The following PIK3C2B variants were observed in gnomAD, a reference collection of about 807,000 sequenced individuals.
PIK3C2B encodes phosphatidylinositol-4-phosphate 3-kinase catalytic subunit type 2 beta.
PIK3C2B carries 83 observed loss-of-function variants against 184.3 expected under a neutral mutation model. That is an observed-to-expected ratio of 0.45 (90% CI 0.38 to 0.54). The LOEUF is 0.54. Among genes scored for constraint, PIK3C2B ranks in the 20% least tolerant of loss-of-function variants. The probability of loss-of-function intolerance (pLI) is 0.00; values close to 1 mark genes in which losing one functional copy is unlikely to be tolerated. For synonymous variants in PIK3C2B, 779 were observed against 837.6 expected (o/e 0.93, Z 1.21); for missense variants, 1,736 against 2,113.5 (o/e 0.82, Z 3.50).
At chr1:204,431,266 C>A in intron 28 of PIK3C2B, 1 of 241,646 alleles carries the variant, frequency 4.1e-6, no homozygotes, top group Non-Finnish European at 8.2e-6. Flanking sequence ...TGGCTTATTT[C>A]ACTTAGCAGA....
rs766210577 is a variant in PIK3C2B, at chr1:204,434,540, G to A, written c.3585C>T (p.Asp1195=). 3 of 1,614,064 alleles carry A rather than the reference G, an allele frequency of 1.9e-6. No homozygotes were observed. The highest frequency in any genetic ancestry group is 1.3e-5 in the African/African-American group (1 of 74,950). The change falls in exon 24 of 33, where the codon GAC becomes GAT. Residue 1195 remains aspartate, a synonymous_variant. Coordinates refer to ENST00000684373, the MANE Select transcript of PIK3C2B (RefSeq NM_001377334.1). ...TCAGCATGATGTTGTCATTATGTCG[G>A]TCACAGATGCCCAAGACGTACGTGG... ...CVATYVLGIC[D]RHNDNIMLKT...
intron 1 of PIK3C2B, among the ~76,000 whole-genome samples, chr1:204,491,069 A>G (rs185468132): frequency 6.6e-6 from 1 of 152,304 alleles, no homozygotes; most frequent in East Asian, 1.9e-4. Context: ...GTGACGTCTC[A>G]TGGGCATTCA....
At chr1:204,488,208 G>T (rs7556371) in intron 1 of PIK3C2B, among the ~76,000 whole-genome samples, 1 of 152,034 alleles carries the variant, frequency 6.6e-6, no homozygotes, top group South Asian at 2.1e-4. Flanking sequence ...ACCATCTGCC[G>T]AACTTGCACT....
chr1:204,458,783 C>A (rs950139932), intron 8 of PIK3C2B, among the ~76,000 whole-genome samples: 1 of 152,050 alleles, frequency 6.6e-6, no homozygotes, highest in Non-Finnish European at 1.5e-5. Context: ...CGTGAGCCAC[C>A]GCACCTGGCC....
Position 204,465,203 on chromosome 1 carries a change from ATTCTTT to A in PIK3C2B, c.1034+10_1034+15del. On this transcript the variant is annotated intron_variant, in intron 3 of 32. Coordinates refer to ENST00000684373, the MANE Select transcript of PIK3C2B (RefSeq NM_001377334.1). ...CCATAGCCCTCCCAAATCCCACCCCATTCTTTAACTCTTACATATCCAGCATGTGGC... is the reference window on the plus strand; with the variant it reads ...CCATAGCCCTCCCAAATCCCACCCCAAACTCTTACATATCCAGCATGTGGC... 2.8e-6 allele frequency: 2 copies of A among 718,532 alleles called. No individual in the cohort carries two copies. The highest frequency in any genetic ancestry group is 2.2e-6 in the Non-Finnish European group (1 of 460,092). 44.5% of individuals were successfully genotyped at this position (718,532 alleles called of 1,614,324 possible). A position where few individuals can be genotyped will look rare whatever the true frequency, so the allele number is the denominator to read the frequency against.
At chr1:204,468,814 C>T (rs933144812) in intron 2 of PIK3C2B, 56 bp downstream of exon 2, 2 of 1,430,546 alleles carry the variant, frequency 1.4e-6, no homozygotes, top group African/African-American at 1.4e-5. Flanking sequence ...AGACTAGTCC[C>T]TGTTTCTGAA....
intron 1 of PIK3C2B, among the ~76,000 whole-genome samples, chr1:204,482,115 G>T (rs1025188266): frequency 8.2e-5 from 1 of 12,260 alleles, no homozygotes; most frequent in African/African-American, 9.3e-5. Flanking sequence ...AAGACGGGGG[G>T]GGGGGGGGGG....
chr1:204,462,989 G>A (rs567268904), intron 5 of PIK3C2B, among the ~76,000 whole-genome samples: 2 of 152,260 alleles, frequency 1.3e-5, no homozygotes, highest in Admixed American at 6.5e-5. Flanking sequence ...CCTGGGAGAC[G>A]GAGGTTGCAG....
intron 8 of PIK3C2B, among the ~76,000 whole-genome samples, chr1:204,458,168 T>C (rs1183830619): frequency 6.6e-6 from 1 of 152,152 alleles, no homozygotes. Context: ...TATACACATA[T>C]ATACAGGGTC....
rs1156255901 is a variant in PIK3C2B at position 204,494,792 on chromosome 1, G to T, written c.-521C>A. 6.6e-6 allele frequency: 1 copy of T among 152,010 alleles called. No individual in the cohort carries two copies. The highest frequency in any genetic ancestry group is 1.9e-4 in the East Asian group (1 of 5,160). The allele number at this position is 152,010 out of a possible 1,614,324, so 9.4% of individuals were successfully genotyped here. A position where few individuals can be genotyped will look rare whatever the true frequency, so the allele number is the denominator to read the frequency against. On this transcript the variant is annotated 5_prime_UTR_variant, in exon 1 of 33. Coordinates refer to ENST00000684373, the MANE Select transcript of PIK3C2B (RefSeq NM_001377334.1). ...AGGCACCCGGCCGCCGGCTCCAGCC[G>T]CAGCGCCGAATCCGCCGCGAGCCGG...
intron 1 of PIK3C2B, among the ~76,000 whole-genome samples, chr1:204,480,788 T>A (rs933731220): frequency 6.6e-6 from 1 of 151,932 alleles, no homozygotes. Context: ...GGGAACCGGC[T>A]AAGGCGCCGA....
At chr1:204,444,834 A>G (rs1653710130) in intron 16 of PIK3C2B, among the ~76,000 whole-genome samples, 1 of 152,250 alleles carries the variant, frequency 6.6e-6, no homozygotes, top group Non-Finnish European at 1.5e-5. Context: ...TACCACGCAA[A>G]TAACAGAAAA....
At chr1:204,466,869 A>G (rs1425506412) in intron 2 of PIK3C2B, 1 of 532,982 alleles carries the variant, frequency 1.9e-6, no homozygotes, top group Non-Finnish European at 3.8e-6. Context: ...TGGCATTTGG[A>G]GCCAGCCAGT....
At chr1:204,451,404 A>G (rs1654346588) in intron 12 of PIK3C2B, among the ~76,000 whole-genome samples, 1 of 152,128 alleles carries the variant, frequency 6.6e-6, no homozygotes, top group Non-Finnish European at 1.5e-5. Flanking sequence ...GTCCTTGGGT[A>G]TATCTGGTAT....
Position 204,433,779 on chromosome 1 carries a change from A to G in PIK3C2B, c.3843+14T>C, listed in dbSNP as rs1340504666. ...ATAAGAAGAAGGTATTCGGAAAGGG[A>G]TGGAGCTCCTCACCAGGCCCAGAAG... On this transcript the variant is annotated intron_variant, in intron 25 of 32. Coordinates refer to ENST00000684373, the MANE Select transcript of PIK3C2B (RefSeq NM_001377334.1). This position sits in a 1 kb window ranked among gnomAD's most constrained non-coding sequence, Gnocchi z 5.0. 4.3e-6 allele frequency: 7 copies of G among 1,611,872 alleles called. No individual in the cohort carries two copies. Among genetic ancestry groups the G allele is most frequent in the Non-Finnish European group, 5.9e-6 (7 of 1,178,010 alleles).
chr1:204,447,531 A>C lies in PIK3C2B; in HGVS notation c.2394T>G (p.Pro798=). ...CATAGCGGGGGCTGAACTTGTCTCC[A>C]GGGGGGCTGGTGAACTTGATGTCAA... ...SAFDIKFTSP[P]GDKFSPRYEF... Residue 798 remains proline (P), a synonymous_variant, in exon 15 of 33, where the codon CCT becomes CCG. Coordinates refer to ENST00000684373, the MANE Select transcript of PIK3C2B (RefSeq NM_001377334.1). This position sits in a 1 kb window ranked among gnomAD's most constrained non-coding sequence, Gnocchi z 4.1. 6.2e-7 allele frequency: 1 copy of C among 1,605,142 alleles called. No homozygotes were observed. Among genetic ancestry groups the C allele is most frequent in the Non-Finnish European group, 8.5e-7 (1 of 1,175,798 alleles).
rs770356473 is a variant in PIK3C2B, at chr1:204,455,962, G to T, written c.1837C>A (p.Pro613Thr). 1.9e-6 allele frequency: 3 copies of T among 1,614,088 alleles called. No individual in the cohort carries two copies. The African/African-American group carries it at 4.0e-5, about 22-fold the overall frequency. The stretch of plus-strand genomic sequence containing the variant: ...ACCAGGTCATGCTTGCGGCTCCCGG[G>T]CACTGCCGTCTGGAAGTCTGCGTTG... ...TFNADFQTAVPGSRKHDLVQE... is the reference protein window; with the variant it reads ...TFNADFQTAVTGSRKHDLVQE... Residue 613 changes from proline to threonine, a missense_variant, in exon 11 of 33, where the codon CCC becomes ACC. By Grantham distance (38) the Pro-to-Thr change is conservative. Around this residue, in one of 8 missense-constraint regions of PIK3C2B, gnomAD observed 609 missense variants for 699.2 expected, o/e 0.87. Transcript: ENST00000684373.
intron 20 of PIK3C2B, 142 bp from the exon 21 acceptor site, chr1:204,441,705 C>T: frequency 1.8e-6 from 1 of 559,762 alleles, no homozygotes; most frequent in Non-Finnish European, 3.2e-6. Context: ...TTCCGGATTT[C>T]CCAGAAACCC....
Position 204,444,054 on chromosome 1 carries a change from A to C in PIK3C2B, c.2867+14T>G. 1 of 1,564,506 alleles carries C rather than the reference A, an allele frequency of 6.4e-7. No individual in the cohort carries two copies. Among genetic ancestry groups the C allele is most frequent in the South Asian group, 1.1e-5 (1 of 89,976 alleles). On this transcript the variant is annotated intron_variant, in intron 18 of 32. Transcript: ENST00000684373. The stretch of plus-strand genomic sequence containing the variant: ...ACACGTGTCTACCTCCCACTTTTCT[A>C]CATGCAGTTTTACCAGAAGAAGTAG...
Sources: allele counts gnomAD v4.1 joint callset (sites outside exome capture counted in the v4.1 genomes callset), GRCh38; gene constraint gnomAD v4.1.1; regional missense constraint gnomAD v4.1.1; non-coding constraint Gnocchi (gnomAD v3.1); transcripts MANE v1.5; gene names NCBI Gene and HGNC (gene_info 2026-07-23, HGNC 2026-07-21).